SLC10A7: variants seen among roughly 807,000 people sequenced by gnomAD.
The protein encoded by SLC10A7 is sodium/bile acid cotransporter 7.
A neutral mutation model predicts 43.2 loss-of-function variants in SLC10A7; 29 were observed. The ratio of observed to expected loss-of-function variants is 0.67; its 90% CI spans 0.50 to 0.92. SLC10A7 has a LOEUF of 0.92. SLC10A7 is among the 40% of genes least tolerant of loss of function. The pLI, the probability that SLC10A7 is intolerant of heterozygous loss-of-function variation, is 0.00. For missense variants in SLC10A7, 295 were observed against 403.2 expected, an observed-to-expected ratio of 0.73 and a Z score of 2.30; for synonymous variants, 152 against 144.8, an observed-to-expected ratio of 1.05 and a Z score of -0.35.
At chr4:146,323,837 A>G (rs1449975166) in intron 6 of SLC10A7, among the ~76,000 whole-genome samples, 1 of 152,170 alleles carries the variant, frequency 6.6e-6, no homozygotes, top group Admixed American at 6.6e-5. Flanking sequence ...ATCAGGCAGG[A>G]GAAAGAAATA....
At chr4:146,341,374 C>G (rs574478644) in intron 5 of SLC10A7, among the ~76,000 whole-genome samples, 1 of 151,580 alleles carries the variant, frequency 6.6e-6, no homozygotes, top group Non-Finnish European at 1.5e-5. Context: ...ACCAAACCCC[C>G]CCAAAACCAA....
intron 4 of SLC10A7, among the ~76,000 whole-genome samples, chr4:146,486,606 A>G (rs1734941515): frequency 1.3e-5 from 2 of 152,186 alleles, no homozygotes; most frequent in African/African-American, 2.4e-5. Flanking sequence ...AGAATGGGAT[A>G]TATTTGTGGC....
At chr4:146,516,429 G>A (rs1270779965) in intron 2 of SLC10A7, among the ~76,000 whole-genome samples, 1 of 147,236 alleles carries the variant, frequency 6.8e-6, no homozygotes, top group Non-Finnish European at 1.5e-5. Context: ...GTGTGTGTGT[G>A]TATACACACA....
chr4:146,519,867 A>G (rs1738453788), intron 1 of SLC10A7, among the ~76,000 whole-genome samples: 1 of 152,210 alleles, frequency 6.6e-6, no homozygotes, highest in African/African-American at 2.4e-5. Context: ...TATTATAATT[A>G]AACAAAGGAA....
chr4:146,328,196 C>A (rs1396717609), intron 5 of SLC10A7, among the ~76,000 whole-genome samples: 1 of 151,632 alleles, frequency 6.6e-6, no homozygotes, highest in Non-Finnish European at 1.5e-5. Context: ...CGTCTGAGAA[C>A]CTGGGGATTA....
chr4:146,403,174 G>A (rs1340195984), intron 5 of SLC10A7, among the ~76,000 whole-genome samples: 1 of 152,134 alleles, frequency 6.6e-6, no homozygotes, highest in Non-Finnish European at 1.5e-5. Flanking sequence ...ATATATACAG[G>A]TGCAGATTTA....
chr4:146,521,236 G>T (rs562489551), intron 1 of SLC10A7, among the ~76,000 whole-genome samples: 4 of 151,616 alleles, frequency 2.6e-5, no homozygotes, highest in Non-Finnish European at 5.9e-5. Context: ...GGGCGGGGAG[G>T]ACTCGAAAGT....
intron 5 of SLC10A7, among the ~76,000 whole-genome samples, chr4:146,408,160 C>T (rs1362368390): frequency 6.6e-6 from 1 of 152,106 alleles, no homozygotes; most frequent in South Asian, 2.1e-4. Context: ...ATCAGCGGTG[C>T]CTTTTCCCTT....
chr4:146,472,322 G>A (rs959756285), intron 4 of SLC10A7, among the ~76,000 whole-genome samples: 2 of 151,920 alleles, frequency 1.3e-5, no homozygotes, highest in African/African-American at 4.8e-5. Flanking sequence ...AGAAATGGGT[G>A]GTTTTACAGA....
intron 4 of SLC10A7, among the ~76,000 whole-genome samples, chr4:146,458,141 G>A (rs4401467): frequency 0.26 from 38,713 of 151,480 alleles, 5,071 homozygotes; most frequent in South Asian, 0.34. Context: ...ACAAAGTGGA[G>A]TTTATTCCAG....
intron 4 of SLC10A7, among the ~76,000 whole-genome samples, chr4:146,452,739 G>A (rs1035666928): frequency 2.6e-5 from 4 of 151,740 alleles, no homozygotes; most frequent in Non-Finnish European, 5.9e-5. Flanking sequence ...ATCAAAATGC[G>A]GATTTATACA....
intron 1 of SLC10A7, among the ~76,000 whole-genome samples, chr4:146,519,066 CATATATATATATATATATAT>C (rs869090267): frequency 3.3e-4 from 2 of 5,986 alleles, no homozygotes; most frequent in Non-Finnish European, 2.6e-4. Context: ...GAAAAATCAC[CATATATATATATATATATAT>C]ATATATATAT....
At chr4:146,315,728 A>G (rs1171447297) in intron 6 of SLC10A7, among the ~76,000 whole-genome samples, 3 of 152,126 alleles carry the variant, frequency 2.0e-5, no homozygotes, top group Non-Finnish European at 2.9e-5. Context: ...GAAAGGATCA[A>G]TGTCAGATTA....
intron 7 of SLC10A7, among the ~76,000 whole-genome samples, chr4:146,296,867 A>T (rs903163795): frequency 1.3e-5 from 2 of 152,154 alleles, no homozygotes; most frequent in African/African-American, 4.8e-5. Context: ...AGGAAACTTT[A>T]TCTTCTCTTA....
At chr4:146,349,877 G>A (rs371439763) in intron 5 of SLC10A7, among the ~76,000 whole-genome samples, 5 of 152,066 alleles carry the variant, frequency 3.3e-5, no homozygotes, top group African/African-American at 7.3e-5. Flanking sequence ...AAAACCTACT[G>A]GGTACTATGC....
At chr4:146,439,396 G>C (rs758018717) in intron 5 of SLC10A7, among the ~76,000 whole-genome samples, 1 of 151,894 alleles carries the variant, frequency 6.6e-6, no homozygotes. Flanking sequence ...TTTAATAAAA[G>C]CCTTTCATTC....
intron 5 of SLC10A7, among the ~76,000 whole-genome samples, chr4:146,344,461 T>C (rs1229140806): frequency 6.6e-6 from 1 of 152,046 alleles, no homozygotes; most frequent in Non-Finnish European, 1.5e-5. Flanking sequence ...TGAAATGCCA[T>C]CTTGGATGAT....
chr4:146,508,397 A>C (rs1476335076), intron 3 of SLC10A7, among the ~76,000 whole-genome samples: 2 of 152,206 alleles, frequency 1.3e-5, no homozygotes, highest in Admixed American at 1.3e-4. Flanking sequence ...GATATGCATA[A>C]TACATTTTTG....
At chr4:146,424,753 C>T (rs1342600420) in intron 5 of SLC10A7, among the ~76,000 whole-genome samples, 2 of 151,884 alleles carry the variant, frequency 1.3e-5, no homozygotes, top group Non-Finnish European at 2.9e-5. Context: ...TGAAAATGAA[C>T]TGACTTTCAG....
Sources: allele counts gnomAD v4.1 joint callset (sites outside exome capture counted in the v4.1 genomes callset), GRCh38; gene constraint gnomAD v4.1.1; transcripts MANE v1.5; gene names NCBI Gene and HGNC (gene_info 2026-07-23, HGNC 2026-07-21).